The following ARMC8 variants were observed in gnomAD, a reference collection of about 807,000 sequenced individuals.
ARMC8 encodes the protein armadillo repeat containing 8, also known as armadillo repeat-containing protein 8.
ARMC8 carries 20 observed loss-of-function variants against 99.3 expected under a neutral mutation model. The ratio of observed to expected loss-of-function variants is 0.20; its 90% CI spans 0.14 to 0.29. The LOEUF (loss-of-function observed/expected upper bound fraction) is 0.29, where lower values mean the gene tolerates loss of function less well. Among genes scored for constraint, ARMC8 ranks in the 10% least tolerant of loss-of-function variants. The probability of loss-of-function intolerance (pLI) is 1.00; values close to 1 mark genes in which losing one functional copy is unlikely to be tolerated. For synonymous variants in ARMC8, 263 were observed against 278.3 expected, an observed-to-expected ratio of 0.95 and a Z score of 0.55; for missense variants, 569 against 809.5, an observed-to-expected ratio of 0.70 and a Z score of 3.60.
At chr3:138,253,655 A>C (rs2047246096) in intron 12 of ARMC8, among the ~76,000 whole-genome samples, 1 of 152,236 alleles carries the variant, frequency 6.6e-6, no homozygotes, top group Non-Finnish European at 1.5e-5. Context: ...CATTTCTCTC[A>C]CATAGCTTTT....
chr3:138,215,883 C>A (rs1391368639), intron 2 of ARMC8, among the ~76,000 whole-genome samples: 1 of 150,454 alleles, frequency 6.6e-6, no homozygotes, highest in Non-Finnish European at 1.5e-5. Flanking sequence ...TTTTTTGAGA[C>A]AGAGTCTTGC....
chr3:138,187,874 T>C (rs988806274), intron 1 of ARMC8: 5 of 500,956 alleles, frequency 1.0e-5, no homozygotes, highest in African/African-American at 9.9e-5. Context: ...TATAGACAAC[T>C]GGCTGGGCGG....
At chr3:138,204,211 A>G (rs2044236670) in intron 1 of ARMC8, among the ~76,000 whole-genome samples, 1 of 151,998 alleles carries the variant, frequency 6.6e-6, no homozygotes, top group Admixed American at 6.6e-5. Flanking sequence ...CTTGTGCCTC[A>G]GCCTCCTGAA....
chr3:138,258,211 C>G (rs2047499439), intron 12 of ARMC8, among the ~76,000 whole-genome samples: 1 of 152,232 alleles, frequency 6.6e-6, no homozygotes, highest in Non-Finnish European at 1.5e-5. Context: ...GCTGACACCA[C>G]TGAGAATCTA....
chr3:138,262,441 T>G, intron 12 of ARMC8: 1 of 1,370,522 alleles, frequency 7.3e-7, no homozygotes, highest in Non-Finnish European at 1.0e-6. Flanking sequence ...TGATCATTGT[T>G]AATTTCAACA....
intron 10 of ARMC8, 96 bp downstream of exon 10, chr3:138,239,624 T>C (rs945098660): frequency 1.4e-6 from 1 of 733,940 alleles, no homozygotes; most frequent in African/African-American, 1.8e-5. Flanking sequence ...CATTTATCAT[T>C]ATGATATATG....
At chr3:138,250,066 CT>C (rs2047053939) in intron 12 of ARMC8, among the ~76,000 whole-genome samples, 1 of 152,028 alleles carries the variant, frequency 6.6e-6, no homozygotes. Flanking sequence ...ATCACAGTGG[CT>C]TTATATGACA....
rs767218747 is a variant in ARMC8 at position 138,245,121 on chromosome 3, C to T, written c.1072C>T (p.Arg358Cys). 4.3e-6 allele frequency: 7 copies of T among 1,613,984 alleles called. No homozygotes were observed. The highest frequency in any genetic ancestry group is 1.3e-5 in the African/African-American group (1 of 74,882). The stretch of plus-strand genomic sequence containing the variant: ...TGATTTAAAACATGCTCACGAACTC[C>T]GCCAGGCTGCATTCAAGCTCTATGC... Reference protein sequence around the residue: ...DHDLKHAHELRQAAFKLYASL... With the variant: ...DHDLKHAHELCQAAFKLYASL... The change falls in exon 12 of 22, where the codon CGC becomes TGC. Residue 358 changes from arginine (R) to cysteine (C), a missense_variant. Arg to Cys is a radical substitution (Grantham distance 180). Coordinates refer to ENST00000469044, the MANE Select transcript of ARMC8 (RefSeq NM_001363941.2).
Position 138,223,440 on chromosome 3 carries a change from A to G in ARMC8, c.246A>G (p.Glu82=), listed in dbSNP as rs2045513743. ...CCTCAAGCACAGAGCTGAAAACTGAATGTGCAGTGGTGTTGGGAAGTCTTG... is the reference window on the plus strand; with the variant it reads ...CCTCAAGCACAGAGCTGAAAACTGAGTGTGCAGTGGTGTTGGGAAGTCTTG... ...QETSSTELKT[E]CAVVLGSLAM... is the part of the protein sequence containing the mutation. The change falls in exon 4 of 22, where the codon GAA becomes GAG. Residue 82 remains glutamate, a synonymous_variant. Transcript: ENST00000469044. 2 of 1,614,140 alleles carry G rather than the reference A, an allele frequency of 1.2e-6. No individual in the cohort carries two copies. The highest frequency in any genetic ancestry group is 1.7e-6 in the Non-Finnish European group (2 of 1,179,994).
chr3:138,195,166 TAC>T (rs2043644934), intron 1 of ARMC8, among the ~76,000 whole-genome samples: 1 of 151,812 alleles, frequency 6.6e-6, no homozygotes, highest in Admixed American at 6.6e-5. Flanking sequence ...TAGTCCCAGC[TAC>T]TCGGGAGGCT....
chr3:138,245,057 G>A (rs772353823), intron 11 of ARMC8, 31 bp from the exon 12 acceptor site: 1 of 1,610,706 alleles, frequency 6.2e-7, no homozygotes, highest in Admixed American at 1.7e-5. Flanking sequence ...TTTATGGACT[G>A]AGTTGGAACA....
rs752882045 is a variant in ARMC8, at chr3:138,274,497, G to A, written c.1678G>A (p.Val560Ile). The A allele has an allele frequency of 3.5e-5, 57 of 1,613,054 alleles. No homozygotes were observed. The highest frequency in any genetic ancestry group is 1.6e-4 in the South Asian group (15 of 91,068). ...TCATGGAAAGCAAATTATGCAAGCCGTCACTCTTATTCTAGAAGGGGAACA... is the reference window on the plus strand; with the variant it reads ...TCATGGAAAGCAAATTATGCAAGCCATCACTCTTATTCTAGAAGGGGAACA... ...STHGKQIMQA[V>I]TLILEGEHNI... The change falls in exon 18 of 22, where the codon GTC becomes ATC. Residue 560 changes from valine (V) to isoleucine (I), a missense_variant. Val to Ile is a conservative substitution (Grantham distance 29). Transcript: ENST00000469044.
chr3:138,280,913 C>G (rs1425384717), intron 18 of ARMC8, among the ~76,000 whole-genome samples: 1 of 152,220 alleles, frequency 6.6e-6, no homozygotes. Context: ...CAGGCATCAG[C>G]CACCGCACCC....
At chr3:138,195,746 A>G (rs434009) in intron 1 of ARMC8, among the ~76,000 whole-genome samples, 1 of 152,102 alleles carries the variant, frequency 6.6e-6, no homozygotes, top group Non-Finnish European at 1.5e-5. Flanking sequence ...AGCTGCCTTC[A>G]CTGAACAGTA....
intron 2 of ARMC8, among the ~76,000 whole-genome samples, chr3:138,220,693 CTTT>C (rs1198710255): frequency 7.2e-6 from 1 of 139,698 alleles, no homozygotes. Context: ...ATTTTTTTTT[CTTT>C]TTTTTTTTTT....
chr3:138,214,094 G>A (rs2044864180), intron 2 of ARMC8, among the ~76,000 whole-genome samples: 1 of 151,638 alleles, frequency 6.6e-6, no homozygotes, highest in South Asian at 2.1e-4. Context: ...GGAGGTTGCA[G>A]TGAGCCGAGA....
At chr3:138,228,360 A>G (rs1208613511) in intron 5 of ARMC8, among the ~76,000 whole-genome samples, 1 of 152,162 alleles carries the variant, frequency 6.6e-6, no homozygotes, top group Non-Finnish European at 1.5e-5. Flanking sequence ...GTGCTTTTAC[A>G]TAGGTTCTTA....
intron 2 of ARMC8, among the ~76,000 whole-genome samples, chr3:138,217,049 A>G (rs989727267): frequency 5.9e-5 from 9 of 152,196 alleles, no homozygotes; most frequent in Non-Finnish European, 8.8e-5. Flanking sequence ...CATGCTGTAC[A>G]TGTTTGCAGC....
In ARMC8 at chr3:138,214,002, A is replaced by T. The variant is rs574591925; in HGVS notation, c.122+4109A>T. 5.3e-5 allele frequency among the ~76,000 whole-genome samples: 8 copies of T among 152,066 alleles called. No individual in the cohort carries two copies. The South Asian group carries it at 1.7e-3, about 32-fold the overall frequency. ...GAAACCCATCTCTACAAAAATAAAA[A>T]TTAGCCAGGCGTGGTGGTACGTGCC... On this transcript the variant is annotated intron_variant, in intron 2 of 21. Coordinates refer to ENST00000469044, the MANE Select transcript of ARMC8 (RefSeq NM_001363941.2).
Sources: allele counts gnomAD v4.1 joint callset (sites outside exome capture counted in the v4.1 genomes callset), GRCh38; gene constraint gnomAD v4.1.1; transcripts MANE v1.5; gene names NCBI Gene and HGNC (gene_info 2026-07-23, HGNC 2026-07-21).